The following BTBD7 variants were observed in gnomAD, a reference collection of about 807,000 sequenced individuals.
BTBD7 encodes the protein BTB domain containing 7.
BTBD7 carries 38 observed loss-of-function variants against 99.9 expected under a neutral mutation model. The ratio of observed to expected loss-of-function variants is 0.38; its 90% CI spans 0.29 to 0.50. BTBD7 has a LOEUF of 0.50. Ranked by LOEUF, BTBD7 falls within the 20% of genes least tolerant of loss-of-function variation. The probability of loss-of-function intolerance (pLI) is 0.93; values close to 1 mark genes in which losing one functional copy is unlikely to be tolerated. For synonymous variants in BTBD7, 520 were observed against 511.4 expected, an observed-to-expected ratio of 1.02 and a Z score of -0.23; for missense variants, 1,170 against 1,394.6, an observed-to-expected ratio of 0.84 and a Z score of 2.57.
In BTBD7 at chr14:93,257,344, G is replaced by GT; in HGVS notation, c.1458dup (p.Leu487ThrfsTer7). 6.2e-7 allele frequency: 1 copy of GT among 1,603,808 alleles called. No individual in the cohort carries two copies. The highest frequency in any genetic ancestry group is 8.5e-7 in the Non-Finnish European group (1 of 1,176,684). ...TTCACACTATGGGCAGTGCCACTCA[G>GT]TAAGTTTGGCTCTATGAGACAGAAA... On this transcript the variant is annotated frameshift_variant, in exon 6 of 11. Coordinates refer to ENST00000334746, the MANE Select transcript of BTBD7 (RefSeq NM_001002860.4). LOFTEE classifies it high-confidence loss of function.
At chr14:93,285,168 A>G (rs1397378811) in intron 3 of BTBD7, among the ~76,000 whole-genome samples, 5 of 152,176 alleles carry the variant, frequency 3.3e-5, no homozygotes, top group Admixed American at 3.3e-4. Flanking sequence ...GACAGAGGGA[A>G]GAGTGTCAAT....
rs1217974193 is a variant in BTBD7, at chr14:93,251,267, TATA to T, written c.1942+193_1942+195del. Among the ~76,000 whole-genome samples the T allele has an allele frequency of 2.2e-4, 34 of 152,352 alleles. 1 individual carries two copies. The highest frequency in any genetic ancestry group is 1.6e-3 in the Admixed American group (24 of 15,304). On this transcript the variant is annotated intron_variant, in intron 8 of 10. Transcript: ENST00000334746. ...AACTCAAGGGTAAACTGATAAACTG[TATA>T]CACTTAGTAATACAAAATAAAATAT...
At chr14:93,288,790 G>C (rs2052811543) in intron 3 of BTBD7, 1 of 1,558,708 alleles carries the variant, frequency 6.4e-7, no homozygotes, top group Non-Finnish European at 8.6e-7. Context: ...CAAAACATCA[G>C]TATCTGTAAG....
intron 3 of BTBD7, among the ~76,000 whole-genome samples, chr14:93,286,253 C>T (rs1482010164): frequency 6.6e-6 from 1 of 152,230 alleles, no homozygotes; most frequent in Non-Finnish European, 1.5e-5. Context: ...GTGGGCTCTG[C>T]CTCCTATGAA....
intron 1 of BTBD7, among the ~76,000 whole-genome samples, chr14:93,301,849 T>C (rs1352218129): frequency 6.6e-6 from 1 of 152,214 alleles, no homozygotes; most frequent in Non-Finnish European, 1.5e-5. Flanking sequence ...GACAGACAGA[T>C]TTCCCAGACA....
chr14:93,276,320 AT>A (rs2052655808), intron 3 of BTBD7, among the ~76,000 whole-genome samples: 1 of 152,126 alleles, frequency 6.6e-6, no homozygotes. Flanking sequence ...CTTACAATAC[AT>A]TTTAGGTTAT....
At chr14:93,258,155 AT>A (rs1566838829) in intron 5 of BTBD7, among the ~76,000 whole-genome samples, 2 of 151,794 alleles carry the variant, frequency 1.3e-5, no homozygotes, top group African/African-American at 2.4e-5. Context: ...GAAATGCTGG[AT>A]TTTTTTCAAA....
intron 1 of BTBD7, among the ~76,000 whole-genome samples, chr14:93,317,402 G>A (rs1471974064): frequency 1.3e-5 from 2 of 149,872 alleles, no homozygotes; most frequent in South Asian, 4.2e-4. Flanking sequence ...TTGGTATGTC[G>A]CCCAGGCTGG....
intron 1 of BTBD7, among the ~76,000 whole-genome samples, chr14:93,331,986 G>A (rs2053432137): frequency 6.6e-6 from 1 of 151,740 alleles, no homozygotes. Flanking sequence ...GTGCTCTGGT[G>A]TAGATAACCA....
In BTBD7 at chr14:93,294,816, C is replaced by A. The variant is rs771111428; in HGVS notation, c.204G>T (p.Lys68Asn). The A allele has an allele frequency of 1.9e-6, 3 of 1,614,020 alleles. No individual in the cohort carries two copies. In the South Asian group the frequency reaches 3.3e-5, roughly 18 times the overall value. ...KRTSGLATLK[K>N]KFIKRRKSNR... ...TAGATTTCCGACGCTTAATAAACTT[C>A]TTTTTGAGGGTGGCAAGACCAGAGG... Residue 68 changes from lysine (K) to asparagine (N), a missense_variant, in exon 3 of 11, where the codon AAG (lysine) becomes AAT (asparagine). This residue lies in a region of BTBD7 where 359 missense variants were observed against 497.9 expected (regional missense o/e 0.72). Transcript: ENST00000334746.
Position 93,242,499 on chromosome 14 carries a change from G to A in BTBD7, c.3173C>T (p.Thr1058Ile). ...STGPAHVRGRTAVETDLTFGL... is the reference protein window; with the variant it reads ...STGPAHVRGRIAVETDLTFGL... ...AAAAGTCAAGTCAGTTTCTACTGCA[G>A]TTCGTCCCCTGACATGGGCTGGACC... Residue 1058 changes from threonine to isoleucine, a missense_variant, in exon 11 of 11, where the codon ACT becomes ATT. Physicochemically the swap from Thr to Ile is moderately conservative, Grantham distance 89. This residue lies in a region of BTBD7 where 495 missense variants were observed against 525.9 expected (regional missense o/e 0.94). Coordinates refer to ENST00000334746, the MANE Select transcript of BTBD7 (RefSeq NM_001002860.4). 6.2e-7 allele frequency: 1 copy of A among 1,614,238 alleles called. No individual in the cohort carries two copies. Among genetic ancestry groups the A allele is most frequent in the Non-Finnish European group, 8.5e-7 (1 of 1,180,044 alleles).
chr14:93,257,739 C>T (rs184367180), intron 5 of BTBD7, among the ~76,000 whole-genome samples: 2 of 152,164 alleles, frequency 1.3e-5, no homozygotes, highest in African/African-American at 4.8e-5. Context: ...GAGCATATGC[C>T]ATTTCTGGTC....
chr14:93,288,937 G>T (rs1001311392), intron 3 of BTBD7, among the ~76,000 whole-genome samples: 5 of 152,156 alleles, frequency 3.3e-5, no homozygotes, highest in Non-Finnish European at 7.3e-5. Flanking sequence ...TTTCAACCCT[G>T]TGCCACATCC....
intron 1 of BTBD7, among the ~76,000 whole-genome samples, chr14:93,298,527 G>C (rs764991022): frequency 6.6e-6 from 1 of 152,094 alleles, no homozygotes; most frequent in Admixed American, 6.6e-5. Context: ...TTTGTGTTTA[G>C]ACTTGGGTAC....
chr14:93,311,156 A>G (rs762185479), intron 1 of BTBD7, among the ~76,000 whole-genome samples: 6 of 152,224 alleles, frequency 3.9e-5, no homozygotes, highest in Non-Finnish European at 8.8e-5. Flanking sequence ...ATAGACTTAC[A>G]TCTATGTGAC....
chr14:93,313,151 T>C (rs1190223156), intron 1 of BTBD7, among the ~76,000 whole-genome samples: 1 of 152,190 alleles, frequency 6.6e-6, no homozygotes, highest in Non-Finnish European at 1.5e-5. Context: ...CATGTCAGTG[T>C]TTGCCATCAA....
At chr14:93,300,789 T>G (rs1340736897) in intron 1 of BTBD7, among the ~76,000 whole-genome samples, 1 of 142,754 alleles carries the variant, frequency 7.0e-6, no homozygotes, top group Non-Finnish European at 1.5e-5. Context: ...TATATATATT[T>G]TTTTTTTGTA....
chr14:93,332,738 G>A (rs2053463282), intron 1 of BTBD7, 82 bp downstream of exon 1: 2 of 1,417,582 alleles, frequency 1.4e-6, no homozygotes, highest in Non-Finnish European at 9.2e-7. Flanking sequence ...CCTAAGAACA[G>A]CCCCTTCCTC....
At chr14:93,306,808 T>C (rs1215652195) in intron 1 of BTBD7, among the ~76,000 whole-genome samples, 1 of 152,218 alleles carries the variant, frequency 6.6e-6, no homozygotes, top group Non-Finnish European at 1.5e-5. Context: ...ATAATATATG[T>C]ATCACTGTCA....
Sources: gnomAD v4.1 joint callset for allele counts (sites outside exome capture counted in the v4.1 genomes callset) on GRCh38, gnomAD v4.1.1 for gene constraint, gnomAD v4.1.1 regional missense constraint, MANE v1.5 for transcripts, NCBI Gene and HGNC (gene_info 2026-07-23, HGNC 2026-07-21) for gene names.